RBFOX1: variants seen among roughly 807,000 people sequenced by gnomAD.
RBFOX1 encodes the protein RNA binding fox-1 homolog 1, also known as RNA binding protein fox-1 homolog 1.
A neutral mutation model predicts 57.7 loss-of-function variants in RBFOX1; 8 were observed. The ratio of observed to expected loss-of-function variants is 0.14; its 90% CI spans 0.08 to 0.25. RBFOX1 has a LOEUF of 0.25. RBFOX1 is among the 10% of genes least tolerant of loss of function. The pLI is 1.00. For synonymous variants in RBFOX1, 326 were observed against 222.4 expected (o/e 1.47, Z -4.15); for missense variants, 611 against 548.5 (o/e 1.11, Z -1.14).
intron 14 of RBFOX1, among the ~76,000 whole-genome samples, chr16:7,686,426 G>T (rs1312288738): frequency 6.6e-6 from 1 of 151,980 alleles, no homozygotes; most frequent in Non-Finnish European, 1.5e-5. Context: ...CACCACACAT[G>T]CATTAGCTTT....
At chr16:5,259,115 T>C (rs1477110806) in intron 1 of RBFOX1, among the ~76,000 whole-genome samples, 1 of 152,080 alleles carries the variant, frequency 6.6e-6, no homozygotes, top group African/African-American at 2.4e-5. Context: ...ATTGTAAGTA[T>C]TGGAAATAGT....
At chr16:5,441,476 T>C (rs1409984347) in intron 1 of RBFOX1, among the ~76,000 whole-genome samples, 4 of 151,074 alleles carry the variant, frequency 2.6e-5, no homozygotes, top group Admixed American at 1.3e-4. Flanking sequence ...GCTATTCTCC[T>C]GCCTCAGCCT....
At chr16:7,562,097 A>C (rs566567232) in intron 5 of RBFOX1, among the ~76,000 whole-genome samples, 1 of 152,360 alleles carries the variant, frequency 6.6e-6, no homozygotes, top group Non-Finnish European at 1.5e-5. Flanking sequence ...GCTAAGCTAG[A>C]GAACAATGCA....
intron 1 of RBFOX1, among the ~76,000 whole-genome samples, chr16:5,275,864 A>G (rs1404023832): frequency 6.6e-6 from 1 of 152,214 alleles, no homozygotes; most frequent in Non-Finnish European, 1.5e-5. Flanking sequence ...CAGAGTAGAG[A>G]ACCCAGAAAT....
intron 3 of RBFOX1, among the ~76,000 whole-genome samples, chr16:5,763,419 C>T (rs1168455435): frequency 1.3e-5 from 2 of 152,208 alleles, no homozygotes; most frequent in Admixed American, 1.3e-4. Context: ...GCTGTGCAGA[C>T]AGCCTGCGCC....
At chr16:7,120,151 T>C (rs982170410) in intron 4 of RBFOX1, among the ~76,000 whole-genome samples, 11 of 151,960 alleles carry the variant, frequency 7.2e-5, no homozygotes, top group Non-Finnish European at 7.4e-5. Context: ...TAAATGAAAA[T>C]ACATTTTACA....
At chr16:7,215,417 C>A (rs896330352) in intron 4 of RBFOX1, among the ~76,000 whole-genome samples, 1 of 152,136 alleles carries the variant, frequency 6.6e-6, no homozygotes, top group African/African-American at 2.4e-5. Flanking sequence ...TGGAACCAAC[C>A]CAAATGTCCA....
chr16:6,186,741 G>A (rs1050789891), intron 1 of RBFOX1, among the ~76,000 whole-genome samples: 5 of 152,202 alleles, frequency 3.3e-5, no homozygotes, highest in African/African-American at 1.2e-4. Flanking sequence ...CTTGCCTCTA[G>A]GAGGGGAGCA....
intron 2 of RBFOX1, among the ~76,000 whole-genome samples, chr16:6,458,374 C>A (rs1171908205): frequency 1.3e-5 from 2 of 152,302 alleles, no homozygotes; most frequent in East Asian, 3.9e-4. Context: ...TCTAAGGCTT[C>A]ATTTCTCCAT....
chr16:6,667,294 AGATC>A (rs2098739029), intron 3 of RBFOX1, among the ~76,000 whole-genome samples: 1 of 152,130 alleles, frequency 6.6e-6, no homozygotes. Flanking sequence ...GCACTGAGGT[AGATC>A]GGGCTATTGG....
intron 5 of RBFOX1, among the ~76,000 whole-genome samples, chr16:7,563,662 G>A (rs1197828456): frequency 6.6e-6 from 1 of 152,024 alleles, no homozygotes; most frequent in Non-Finnish European, 1.5e-5. Context: ...AGAGACGGGG[G>A]TTTCACTATG....
chr16:6,096,907 C>G (rs1296078014), intron 1 of RBFOX1, among the ~76,000 whole-genome samples: 1 of 152,120 alleles, frequency 6.6e-6, no homozygotes, highest in Non-Finnish European at 1.5e-5. Flanking sequence ...CCTACTGAAC[C>G]ACCTGTTGCA....
chr16:6,446,817 T>C (rs1481460432), intron 2 of RBFOX1, among the ~76,000 whole-genome samples: 1 of 152,230 alleles, frequency 6.6e-6, no homozygotes, highest in African/African-American at 2.4e-5. Flanking sequence ...GGTGTCCTGA[T>C]GCAATTATGA....
chr16:7,011,854 G>A (rs1482440908), intron 3 of RBFOX1, among the ~76,000 whole-genome samples: 5 of 152,176 alleles, frequency 3.3e-5, no homozygotes, highest in Non-Finnish European at 7.3e-5. Flanking sequence ...ATGAGAAATG[G>A]GAAGGAGTGG....
chr16:5,778,518 C>T (rs1266726493), intron 3 of RBFOX1, among the ~76,000 whole-genome samples: 1 of 152,192 alleles, frequency 6.6e-6, no homozygotes, highest in Non-Finnish European at 1.5e-5. Flanking sequence ...TTTGTCACTA[C>T]AAAGCCTGCT....
At chr16:6,850,126 A>G (rs11862610) in intron 3 of RBFOX1, among the ~76,000 whole-genome samples, 3,478 of 152,252 alleles carry the variant, frequency 0.023, 131 homozygotes, top group African/African-American at 0.078. Flanking sequence ...TCTAAAGTAA[A>G]CTTACAAGTT....
At chr16:7,177,641 T>C (rs951100473) in intron 4 of RBFOX1, among the ~76,000 whole-genome samples, 1 of 152,152 alleles carries the variant, frequency 6.6e-6, no homozygotes, top group African/African-American at 2.4e-5. Flanking sequence ...ATTGCATTAT[T>C]AACTAGATTG....
intron 3 of RBFOX1, among the ~76,000 whole-genome samples, chr16:6,911,531 C>T (rs1270716606): frequency 2.6e-5 from 4 of 152,068 alleles, no homozygotes; most frequent in Non-Finnish European, 4.4e-5. Context: ...CAAATTTCCC[C>T]TTTTTATGAT....
At chr16:5,889,053 A>T (rs1198809721) in intron 4 of RBFOX1, among the ~76,000 whole-genome samples, 1 of 152,300 alleles carries the variant, frequency 6.6e-6, no homozygotes, top group Non-Finnish European at 1.5e-5. Flanking sequence ...CTTCAATAAA[A>T]ATGTCACTAC....
Sources: gnomAD v4.1 joint callset for allele counts (sites outside exome capture counted in the v4.1 genomes callset) on GRCh38, gnomAD v4.1.1 for gene constraint, MANE v1.5 for transcripts, NCBI Gene and HGNC (gene_info 2026-07-23, HGNC 2026-07-21) for gene names.